The following C7orf33 variants were observed in gnomAD, a reference collection of about 807,000 sequenced individuals.
C7orf33 encodes chromosome 7 open reading frame 33.
C7orf33 carries 15 observed loss-of-function variants against 13.4 expected under a neutral mutation model. The observed-to-expected ratio is 1.12, with a 90% CI of 0.75 to 1.72. C7orf33 has a LOEUF of 1.72. Ranked by LOEUF, C7orf33 falls within the 40% of genes most tolerant of loss-of-function variation. The probability of loss-of-function intolerance (pLI) is 0.00; values close to 1 mark genes in which losing one functional copy is unlikely to be tolerated. For missense variants in C7orf33, 187 were observed against 220.3 expected (o/e 0.85, Z 0.96); for synonymous variants, 73 against 83.2 (o/e 0.88, Z 0.67).
chr7:148,609,785 C>A (rs1207224580), intron 1 of C7orf33, among the ~76,000 whole-genome samples: 2 of 152,122 alleles, frequency 1.3e-5, no homozygotes, highest in African/African-American at 2.4e-5. Flanking sequence ...GATACTTGGC[C>A]GCTTAGTGGA....
At chr7:148,596,031 T>C (rs1324899261) in intron 1 of C7orf33, among the ~76,000 whole-genome samples, 1 of 151,952 alleles carries the variant, frequency 6.6e-6, no homozygotes, top group Non-Finnish European at 1.5e-5. Flanking sequence ...ATATTTTAGG[T>C]TAACATTAAA....
rs371042216 is a variant in C7orf33 at position 148,606,230 on chromosome 7, T to G, written c.205-7812T>G. On this transcript the variant is annotated intron_variant, in intron 1 of 2. Transcript: ENST00000307003. Reference sequence around the variant, plus strand: ...GTTACACTTTTCTTAGATTCATCTCTCCAAAAAATATTTATCAAGTACCTT... The same window carrying G: ...GTTACACTTTTCTTAGATTCATCTCGCCAAAAAATATTTATCAAGTACCTT... Among the ~76,000 whole-genome samples the G allele has an allele frequency of 7.9e-5, 12 of 152,296 alleles. No homozygotes were observed. In the South Asian group the frequency reaches 2.3e-3, roughly 29 times the overall value.
intron 1 of C7orf33, among the ~76,000 whole-genome samples, chr7:148,593,140 G>A (rs1033311015): frequency 6.6e-6 from 1 of 151,998 alleles, no homozygotes; most frequent in African/African-American, 2.4e-5. Flanking sequence ...ATGCCTGGCC[G>A]ACACGATTTA....
rs773922460 is a variant in C7orf33, at chr7:148,614,075, A to G, written c.238A>G (p.Met80Val). Reference sequence around the variant, plus strand: ...CCCACACCAAAACATGAACCGGGGGATGGAATTTATTGCTCCTGTATCAGC... The same window carrying G: ...CCCACACCAAAACATGAACCGGGGGGTGGAATTTATTGCTCCTGTATCAGC... ...PNPHQNMNRG[M>V]EFIAPVSAPT... is the part of the protein sequence containing the mutation. The change falls in exon 2 of 3, where the codon ATG becomes GTG. Residue 80 changes from methionine to valine, a missense_variant. By Grantham distance (21) the Met-to-Val change is conservative (BLOSUM62 1). Transcript: ENST00000307003. The G allele has an allele frequency of 8.1e-5, 131 of 1,613,976 alleles. No individual in the cohort carries two copies. The highest frequency in any genetic ancestry group is 1.1e-4 in the Non-Finnish European group (127 of 1,180,014).
intron 1 of C7orf33, among the ~76,000 whole-genome samples, chr7:148,592,557 C>T (rs1173319540): frequency 2.6e-5 from 4 of 151,472 alleles, no homozygotes; most frequent in Non-Finnish European, 4.4e-5. Context: ...CTCTGTCGCC[C>T]AGGCTGGAGT....
chr7:148,611,537 C>T (rs1376812119), intron 1 of C7orf33, among the ~76,000 whole-genome samples: 3 of 152,278 alleles, frequency 2.0e-5, no homozygotes, highest in Non-Finnish European at 4.4e-5. Flanking sequence ...ACCCCTTCAA[C>T]TTCCGGCTCC....
At chr7:148,601,506 T>C (rs148901040) in intron 1 of C7orf33, among the ~76,000 whole-genome samples, 3,083 of 149,796 alleles carry the variant, frequency 0.021, 40 homozygotes, top group Middle Eastern at 0.033. Flanking sequence ...CCACCACACC[T>C]GTCTAAATTT....
intron 1 of C7orf33, among the ~76,000 whole-genome samples, chr7:148,595,420 TATAG>T: frequency 7.7e-6 from 1 of 130,542 alleles, no homozygotes. Context: ...ATCTATATTA[TATAG>T]ATATATCTAT....
At chr7:148,607,417 C>T (rs1796486713) in intron 1 of C7orf33, among the ~76,000 whole-genome samples, 1 of 152,018 alleles carries the variant, frequency 6.6e-6, no homozygotes, top group African/African-American at 2.4e-5. Flanking sequence ...TTGTCTTCAG[C>T]TCGACAATCC....
chr7:148,591,026 G>A lies in C7orf33; in HGVS notation c.101G>A (p.Arg34His), dbSNP rs376766533. 1.5e-5 allele frequency: 24 copies of A among 1,614,188 alleles called. No individual in the cohort carries two copies. The highest frequency in any genetic ancestry group is 1.9e-5 in the Non-Finnish European group (22 of 1,180,022). ...CEALLPSGARRRIDLRLSGRA... is the reference protein window; with the variant it reads ...CEALLPSGARHRIDLRLSGRA... ...GCCCTCCTGCCCAGTGGGGCAAGGC[G>A]CCGGATTGACCTTCGCCTGAGTGGG... Residue 34 changes from arginine (R) to histidine (H), a missense_variant, in exon 1 of 3, where the codon CGC becomes CAC. Arg to His is a conservative substitution (Grantham distance 29). Coordinates refer to ENST00000307003, the MANE Select transcript of C7orf33 (RefSeq NM_145304.4).
chr7:148,609,996 T>A lies in C7orf33; in HGVS notation c.205-4046T>A, dbSNP rs576824340. Among the ~76,000 whole-genome samples the A allele has an allele frequency of 1.4e-3, 215 of 152,224 alleles. 2 individuals carry two copies. The highest frequency in any genetic ancestry group is 5.0e-3 in the African/African-American group (209 of 41,548). On this transcript the variant is annotated intron_variant, in intron 1 of 2. Transcript: ENST00000307003. ...AGACTCAATAATGCCTGATCCCAAA[T>A]CCATTCTGAGCTGAGGCACTGTGTA...
chr7:148,596,919 G>T (rs1002488950), intron 1 of C7orf33, among the ~76,000 whole-genome samples: 3 of 152,114 alleles, frequency 2.0e-5, no homozygotes, highest in Non-Finnish European at 4.4e-5. Context: ...ACAGTCCGTG[G>T]CCTTTTCAGA....
chr7:148,612,906 T>A (rs1419957039), intron 1 of C7orf33, among the ~76,000 whole-genome samples: 1 of 152,110 alleles, frequency 6.6e-6, no homozygotes, highest in East Asian at 1.9e-4. Context: ...CAGAATGATA[T>A]TTCCATACAT....
rs879617323 is a variant in C7orf33 at position 148,594,120 on chromosome 7, G to A, written c.204+2991G>A. 4.0e-5 allele frequency among the ~76,000 whole-genome samples: 6 copies of A among 151,340 alleles called. No individual in the cohort carries two copies. In the East Asian group the frequency reaches 1.2e-3, roughly 29 times the overall value. On this transcript the variant is annotated intron_variant, in intron 1 of 2. Transcript: ENST00000307003. ...AGGCCTCCCCAGAAGCCGAGCAGACGCCATGTTTCCTGTACAGCCTGCAGA... is the reference window on the plus strand; with the variant it reads ...AGGCCTCCCCAGAAGCCGAGCAGACACCATGTTTCCTGTACAGCCTGCAGA...
intron 1 of C7orf33, among the ~76,000 whole-genome samples, chr7:148,598,793 G>T (rs1796380361): frequency 1.4e-5 from 2 of 140,876 alleles, no homozygotes; most frequent in African/African-American, 2.6e-5. Context: ...GAGAGAGAGA[G>T]AGAGAGAGAG....
chr7:148,600,206 C>T (rs530411319), intron 1 of C7orf33, among the ~76,000 whole-genome samples: 15 of 152,264 alleles, frequency 9.9e-5, no homozygotes, highest in Admixed American at 5.2e-4. Flanking sequence ...TAGTGGCTCA[C>T]GCCTGTAATC....
chr7:148,604,292 A>C (rs1221396194), intron 1 of C7orf33, among the ~76,000 whole-genome samples: 1 of 151,806 alleles, frequency 6.6e-6, no homozygotes, highest in South Asian at 2.1e-4. Flanking sequence ...ACACCCAGCT[A>C]ATTTTTGTAT....
chr7:148,605,395 A>G (rs762093420), intron 1 of C7orf33, among the ~76,000 whole-genome samples: 1 of 152,100 alleles, frequency 6.6e-6, no homozygotes, highest in Non-Finnish European at 1.5e-5. Flanking sequence ...CTACAACTGC[A>G]TTTTGCTTTG....
At chr7:148,607,619 C>T (rs536589687) in intron 1 of C7orf33, among the ~76,000 whole-genome samples, 1 of 152,290 alleles carries the variant, frequency 6.6e-6, no homozygotes, top group African/African-American at 2.4e-5. Context: ...TGCTTCCTAT[C>T]TGACTGATCA....
Sources: allele counts gnomAD v4.1 joint callset (sites outside exome capture counted in the v4.1 genomes callset), GRCh38; gene constraint gnomAD v4.1.1; transcripts MANE v1.5; gene names NCBI Gene and HGNC (gene_info 2026-07-23, HGNC 2026-07-21).